Variants in ANO6 observed in about 807,000 individuals in gnomAD.
ANO6 encodes anoctamin 6.
In ANO6, 106 loss-of-function variants were observed where a neutral mutation model predicts 117.5. The ratio of observed to expected loss-of-function variants is 0.90; its 90% CI spans 0.77 to 1.06. The LOEUF (loss-of-function observed/expected upper bound fraction) is 1.06, where lower values mean the gene tolerates loss of function less well. Among genes scored for constraint, ANO6 ranks in the 50% least tolerant of loss-of-function variants. The pLI is 0.00. For synonymous variants in ANO6, 367 were observed against 385.1 expected, an observed-to-expected ratio of 0.95 and a Z score of 0.55; for missense variants, 955 against 1,121.1, an observed-to-expected ratio of 0.85 and a Z score of 2.12.
intron 1 of ANO6, among the ~76,000 whole-genome samples, chr12:45,291,300 C>T (rs1419878808): frequency 4.8e-5 from 7 of 144,616 alleles, no homozygotes; most frequent in South Asian, 2.2e-4. Flanking sequence ...GAGCCAAGAT[C>T]GCGCCATTGC....
downstream of ANO6, among the ~76,000 whole-genome samples, chr12:45,435,380 C>T (rs536640627): frequency 6.6e-6 from 1 of 152,178 alleles, no homozygotes; most frequent in Non-Finnish European, 1.5e-5. Context: ...TCAGTGCAGC[C>T]CAGTTTCTGC....
At chr12:45,358,784 T>C (rs1254188811) in intron 8 of ANO6, among the ~76,000 whole-genome samples, 1 of 133,578 alleles carries the variant, frequency 7.5e-6, no homozygotes, top group Non-Finnish European at 1.6e-5. Context: ...ATGTCCCTCC[T>C]TTTTTTTTTT....
intron 15 of ANO6, among the ~76,000 whole-genome samples, chr12:45,408,135 C>G (rs1331479788): frequency 6.6e-6 from 1 of 152,160 alleles, no homozygotes; most frequent in Non-Finnish European, 1.5e-5. Flanking sequence ...CACGTGTGCA[C>G]ATGTGATGGA....
chr12:45,279,552 A>T (rs905787642), intron 1 of ANO6, among the ~76,000 whole-genome samples: 1 of 152,178 alleles, frequency 6.6e-6, no homozygotes, highest in Non-Finnish European at 1.5e-5. Flanking sequence ...TCTGAAACAA[A>T]TTTCTGTGTG....
At chr12:45,417,150 A>C (rs890647234) in intron 17 of ANO6, among the ~76,000 whole-genome samples, 2 of 152,198 alleles carry the variant, frequency 1.3e-5, no homozygotes, top group South Asian at 4.1e-4. Context: ...GTTTTTATTC[A>C]GTATGAAATA....
intron 19 of ANO6, among the ~76,000 whole-genome samples, chr12:45,425,858 G>T (rs1255152373): frequency 6.6e-6 from 1 of 152,164 alleles, no homozygotes; most frequent in African/African-American, 2.4e-5. Context: ...TAGATGCAAA[G>T]ATCTTTCTAA....
chr12:45,276,824 C>T (rs1938570347), intron 1 of ANO6, among the ~76,000 whole-genome samples: 1 of 152,052 alleles, frequency 6.6e-6, no homozygotes, highest in African/African-American at 2.4e-5. Context: ...GAGCTCCCCG[C>T]CTTTTTTAAT....
At chr12:45,256,732 A>T (rs937500490) in intron 1 of ANO6, 2 of 152,242 alleles carry the variant, frequency 1.3e-5, no homozygotes, top group Non-Finnish European at 2.9e-5. Context: ...TTCATGCAGC[A>T]GTGAAAATAG....
chr12:45,330,741 A>G (rs1940633874), intron 2 of ANO6, among the ~76,000 whole-genome samples: 1 of 152,124 alleles, frequency 6.6e-6, no homozygotes, highest in Non-Finnish European at 1.5e-5. Flanking sequence ...ACGAACACCA[A>G]TGACTAGTGC....
intron 12 of ANO6, among the ~76,000 whole-genome samples, chr12:45,401,403 C>G (rs1592020770): frequency 6.6e-6 from 1 of 152,316 alleles, no homozygotes; most frequent in East Asian, 1.9e-4. Flanking sequence ...GTTCTACACT[C>G]ATTTTTTTCC....
Position 45,216,369 on chromosome 12 carries a change from G to C in ANO6, c.48G>C (p.Glu16Asp), listed in dbSNP as rs140379296. ...TTTTGCTACAAATGGAGGAGGAGGA[G>C]GACGACGACGATGGGGATATCGGTG... Reference protein sequence around the residue: ...RNVLLQMEEEEDDDDGDIVLE... With the variant: ...RNVLLQMEEEDDDDDGDIVLE... The change falls in exon 1 of 20, where the codon GAG becomes GAC. Residue 16 changes from glutamate to aspartate, a missense_variant. By Grantham distance (45) the Glu-to-Asp change is conservative (BLOSUM62 2). Coordinates refer to ENST00000320560, the MANE Select transcript of ANO6 (RefSeq NM_001025356.3). 63 of 1,612,728 alleles carry C rather than the reference G, an allele frequency of 3.9e-5. No individual in the cohort carries two copies. The highest frequency in any genetic ancestry group is 4.4e-5 in the South Asian group (4 of 90,868).
intron 2 of ANO6, among the ~76,000 whole-genome samples, chr12:45,330,858 A>G (rs1415741602): frequency 6.6e-6 from 1 of 152,064 alleles, no homozygotes; most frequent in African/African-American, 2.4e-5. Context: ...GAAAAATGGT[A>G]AAAGGTTAGA....
intron 1 of ANO6, among the ~76,000 whole-genome samples, chr12:45,252,187 T>A (rs1937644238): frequency 6.6e-6 from 1 of 152,214 alleles, no homozygotes. Context: ...TAGTGCCAGT[T>A]TCACCTGGCA....
chr12:45,422,152 A>G (rs1592049389), intron 18 of ANO6, among the ~76,000 whole-genome samples: 1 of 152,204 alleles, frequency 6.6e-6, no homozygotes, highest in Non-Finnish European at 1.5e-5. Flanking sequence ...GCTTACAGGC[A>G]TAAAATTAGA....
chr12:45,367,236 C>T (rs192859341), intron 8 of ANO6, among the ~76,000 whole-genome samples: 2 of 152,322 alleles, frequency 1.3e-5, no homozygotes, highest in Admixed American at 6.5e-5. Context: ...CCCACCTCGG[C>T]CTCCCAAAGT....
chr12:45,357,693 G>A (rs911424993), intron 8 of ANO6, among the ~76,000 whole-genome samples: 43 of 152,184 alleles, frequency 2.8e-4, no homozygotes, highest in African/African-American at 1.0e-3. Flanking sequence ...AAGAAAGGAG[G>A]ACTGGAGGCG....
intron 8 of ANO6, among the ~76,000 whole-genome samples, chr12:45,357,670 A>G (rs1374180144): frequency 6.6e-6 from 1 of 152,148 alleles, no homozygotes; most frequent in Non-Finnish European, 1.5e-5. Flanking sequence ...TTAAGACAAT[A>G]TTTTGTTTGA....
At chr12:45,282,675 T>C (rs1938780446) in intron 1 of ANO6, among the ~76,000 whole-genome samples, 1 of 152,222 alleles carries the variant, frequency 6.6e-6, no homozygotes, top group Non-Finnish European at 1.5e-5. Context: ...AGGACTATGT[T>C]ATAATGCAAT....
chr12:45,392,935 TC>T (rs1417996469), intron 12 of ANO6, among the ~76,000 whole-genome samples: 1 of 152,126 alleles, frequency 6.6e-6, no homozygotes. Flanking sequence ...GAGCATCTCT[TC>T]CCCTCCAGAG....
Sources: gnomAD v4.1 joint callset for allele counts (sites outside exome capture counted in the v4.1 genomes callset) on GRCh38, gnomAD v4.1.1 for gene constraint, MANE v1.5 for transcripts, NCBI Gene and HGNC (gene_info 2026-07-23, HGNC 2026-07-21) for gene names.